The following TAOK1 variants were observed in gnomAD, a reference collection of about 807,000 sequenced individuals.
The protein encoded by TAOK1 is serine/threonine-protein kinase TAO1.
Under a neutral mutation model 138.3 loss-of-function variants are expected in TAOK1, and 21 were observed. The ratio of observed to expected loss-of-function variants is 0.15; its 90% CI spans 0.11 to 0.22. The LOEUF (loss-of-function observed/expected upper bound fraction) is 0.22, where lower values mean the gene tolerates loss of function less well. Ranked by LOEUF, TAOK1 falls within the 10% of genes least tolerant of loss-of-function variation. The probability of loss-of-function intolerance (pLI) is 1.00; values close to 1 mark genes in which losing one functional copy is unlikely to be tolerated. For synonymous variants in TAOK1, 361 were observed against 398.4 expected (o/e 0.91, Z 1.12); for missense variants, 651 against 1,227.7 (o/e 0.53, Z 7.02).
rs369963000 is a variant in TAOK1, at chr17:29,491,830, C to A, written c.796C>A (p.Pro266Thr). ...TGTAGATTCTTGCCTCCAGAAAATCCCTCAAGATCGACCTACATCAGAGGA... is the reference window on the plus strand; with the variant it reads ...TGTAGATTCTTGCCTCCAGAAAATCACTCAAGATCGACCTACATCAGAGGA... Reference protein sequence around the residue: ...NFVDSCLQKIPQDRPTSEELL... With the variant: ...NFVDSCLQKITQDRPTSEELL... Residue 266 changes from proline to threonine, a missense_variant, in exon 10 of 20, where the codon CCT becomes ACT. This residue lies in a region of TAOK1 where 39 missense variants were observed against 52.5 expected (regional missense o/e 0.74). Transcript: ENST00000261716. The A allele has an allele frequency of 6.2e-7, 1 of 1,613,626 alleles. No individual in the cohort carries two copies. The highest frequency in any genetic ancestry group is 8.5e-7 in the Non-Finnish European group (1 of 1,179,744).
chr17:29,441,165 G>C (rs2029931669), intron 1 of TAOK1, among the ~76,000 whole-genome samples: 1 of 152,040 alleles, frequency 6.6e-6, no homozygotes, highest in African/African-American at 2.4e-5. Flanking sequence ...TCTTTGTCTG[G>C]CTTTGGTATC....
chr17:29,493,925 T>G (rs2031358099), intron 10 of TAOK1, among the ~76,000 whole-genome samples: 1 of 152,022 alleles, frequency 6.6e-6, no homozygotes, highest in African/African-American at 2.4e-5. Context: ...ATTATTTTTT[T>G]TTTGTTTTTG....
At chr17:29,494,825 C>CAAAAAA (rs368548444) in intron 10 of TAOK1, among the ~76,000 whole-genome samples, 6 of 48,278 alleles carry the variant, frequency 1.2e-4, no homozygotes, top group African/African-American at 2.2e-4. Context: ...GACTCCGTCT[C>CAAAAAA]AAAAAAAAAA....
At chr17:29,517,709 G>C in intron 16 of TAOK1, 53 bp downstream of exon 16, 1 of 1,526,832 alleles carries the variant, frequency 6.5e-7, no homozygotes, top group Non-Finnish European at 8.9e-7. Flanking sequence ...AATCTTTCCT[G>C]AAAATATTCC....
chr17:29,522,609 TAAAG>T, intron 17 of TAOK1, 90 bp downstream of exon 17: 1 of 1,514,880 alleles, frequency 6.6e-7, no homozygotes. Context: ...TGTCTAGTCA[TAAAG>T]AAATTGACTA....
rs2150783280 is a variant in TAOK1 at position 29,549,942 on chromosome 17, A to T, written c.*6920A>T. On this transcript the variant is annotated 3_prime_UTR_variant, in exon 20 of 20. Coordinates refer to ENST00000261716, the MANE Select transcript of TAOK1 (RefSeq NM_020791.4). ...TAGGAGTGCCCCTCCAATTAATTAC[A>T]TGTGTCCAAGAATAATCCAAGCTAG... The T allele has an allele frequency of 6.6e-6, 1 of 152,176 alleles. No homozygotes were observed. The highest frequency in any genetic ancestry group is 1.9e-4 in the East Asian group (1 of 5,182). 9.4% of individuals were successfully genotyped at this position (152,176 alleles called of 1,614,324 possible). A position where few individuals can be genotyped will look rare whatever the true frequency, so the allele number is the denominator to read the frequency against.
At chr17:29,411,907 A>G (rs571471814) in intron 1 of TAOK1, among the ~76,000 whole-genome samples, 1 of 152,182 alleles carries the variant, frequency 6.6e-6, no homozygotes, top group Admixed American at 6.5e-5. Flanking sequence ...ACTCTTTACC[A>G]TAAATAATTT....
rs558652405 is a variant in TAOK1, at chr17:29,481,355, G to A, written c.564-842G>A. On this transcript the variant is annotated intron_variant, in intron 7 of 19. Transcript: ENST00000261716. ...ATTACAGACAGCAGCCACCACACCCGGCTAATTTTTGTATTTTTAGTAGAG... is the reference window on the plus strand; with the variant it reads ...ATTACAGACAGCAGCCACCACACCCAGCTAATTTTTGTATTTTTAGTAGAG... Among the ~76,000 whole-genome samples, 4 of 151,716 alleles carry A rather than the reference G, an allele frequency of 2.6e-5. No individual in the cohort carries two copies. In the South Asian group the frequency reaches 6.3e-4, roughly 24 times the overall value.
chr17:29,495,731 A>G lies in TAOK1; in HGVS notation c.999+4A>G. 1 of 1,589,358 alleles carries G rather than the reference A, an allele frequency of 6.3e-7. No individual in the cohort carries two copies. Among genetic ancestry groups the G allele is most frequent in the Non-Finnish European group, 8.6e-7 (1 of 1,168,254 alleles). The stretch of plus-strand genomic sequence containing the variant: ...AGAAGCACAGGAAGAAGAAGAGGTA[A>G]GAGATAAAAAAATGACTCCAATATT... On this transcript the variant is annotated splice_donor_region_variant and intron_variant, in intron 11 of 19. Transcript: ENST00000261716.
chr17:29,496,523 A>G (rs2031416482), intron 11 of TAOK1, among the ~76,000 whole-genome samples: 1 of 150,044 alleles, frequency 6.7e-6, no homozygotes, highest in East Asian at 2.1e-4. Context: ...GTCATGAGAA[A>G]GTTAGTAGGC....
chr17:29,465,128 ATTTTTTTTTTTTT>A (rs57794003), intron 2 of TAOK1, among the ~76,000 whole-genome samples: 45 of 63,156 alleles, frequency 7.1e-4, no homozygotes, highest in Non-Finnish European at 1.2e-3. Flanking sequence ...GTCTTATTTA[ATTTTTTTTTTTTT>A]TTTTTTTTTT....
chr17:29,475,466 C>G (rs1211340715), intron 3 of TAOK1, among the ~76,000 whole-genome samples: 3 of 152,062 alleles, frequency 2.0e-5, no homozygotes, highest in African/African-American at 4.8e-5. Flanking sequence ...CTTGAGCCCA[C>G]AAGATGGAGG....
chr17:29,393,063 TAACAC>T (rs1904479727), intron 1 of TAOK1, among the ~76,000 whole-genome samples: 1 of 152,206 alleles, frequency 6.6e-6, no homozygotes, highest in Non-Finnish European at 1.5e-5. Flanking sequence ...TTCATTGAAA[TAACAC>T]TATTCATTTG....
At chr17:29,395,209 A>G (rs1403036370) in intron 1 of TAOK1, among the ~76,000 whole-genome samples, 1 of 151,960 alleles carries the variant, frequency 6.6e-6, no homozygotes, top group East Asian at 1.9e-4. Context: ...ATGCCACCGC[A>G]CTCTAGCCTG....
At chr17:29,535,047 G>A (rs890730416) in intron 19 of TAOK1, among the ~76,000 whole-genome samples, 1 of 151,958 alleles carries the variant, frequency 6.6e-6, no homozygotes, top group Non-Finnish European at 1.5e-5. Context: ...AGATTAGGCT[G>A]GGCTTAGGCC....
chr17:29,536,599 C>T (rs2150776126), intron 19 of TAOK1, among the ~76,000 whole-genome samples: 1 of 149,628 alleles, frequency 6.7e-6, no homozygotes, highest in South Asian at 2.1e-4. Flanking sequence ...GACTCCATCT[C>T]AAAAAATAAA....
intron 1 of TAOK1, among the ~76,000 whole-genome samples, chr17:29,413,457 A>G (rs1036210360): frequency 3.3e-5 from 5 of 152,086 alleles, no homozygotes; most frequent in East Asian, 1.9e-4. Flanking sequence ...TTAGCTGGGC[A>G]TGGTGGCATG....
Position 29,542,897 on chromosome 17 carries a change from G to A in TAOK1, c.2881G>A (p.Gly961Arg). The A allele has an allele frequency of 2.5e-6, 4 of 1,613,910 alleles. No homozygotes were observed. Among genetic ancestry groups the A allele is most frequent in the Non-Finnish European group, 2.5e-6 (3 of 1,179,954 alleles). The change falls in exon 20 of 20, where the codon GGA (glycine) becomes AGA (arginine). Residue 961 changes from glycine (G) to arginine (R), a missense_variant. Coordinates refer to ENST00000261716, the MANE Select transcript of TAOK1 (RefSeq NM_020791.4). ...AGGGGTACCTCGAGGTAGCAGTATGGGAGTCCGCAATAGCCCCCAGGCTCT... is the reference window on the plus strand; with the variant it reads ...AGGGGTACCTCGAGGTAGCAGTATGAGAGTCCGCAATAGCCCCCAGGCTCT... The part of the protein sequence containing the change: ...MQGVPRGSSM[G>R]VRNSPQALRR...
chr17:29,393,411 T>C (rs1598460843), intron 1 of TAOK1, among the ~76,000 whole-genome samples: 1 of 152,322 alleles, frequency 6.6e-6, no homozygotes, highest in East Asian at 1.9e-4. Context: ...TCATAGCTGG[T>C]AGGAATGTTG....
Sources: gnomAD v4.1 joint callset for allele counts (sites outside exome capture counted in the v4.1 genomes callset) on GRCh38, gnomAD v4.1.1 for gene constraint, gnomAD v4.1.1 regional missense constraint, MANE v1.5 for transcripts, NCBI Gene and HGNC (gene_info 2026-07-23, HGNC 2026-07-21) for gene names.